PTPN9: variants seen among roughly 807,000 people sequenced by gnomAD.
PTPN9 encodes the protein protein tyrosine phosphatase non-receptor type 9.
In PTPN9, 26 loss-of-function variants were observed where a neutral mutation model predicts 69.8. The ratio of observed to expected loss-of-function variants is 0.37; its 90% confidence interval spans 0.27 to 0.52. PTPN9 has a LOEUF of 0.52. Among genes scored for constraint, PTPN9 ranks in the 20% least tolerant of loss-of-function variants. The probability of loss-of-function intolerance (pLI) is 0.91; values close to 1 mark genes in which losing one functional copy is unlikely to be tolerated. For synonymous variants in PTPN9, 274 were observed against 272.5 expected, an observed-to-expected ratio of 1.01 and a Z score of -0.05; for missense variants, 549 against 740.3, an observed-to-expected ratio of 0.74 and a Z score of 3.00.
At chr15:75,492,009 G>C (rs1156594691) in intron 7 of PTPN9, among the ~76,000 whole-genome samples, 1 of 152,024 alleles carries the variant, frequency 6.6e-6, no homozygotes, top group Non-Finnish European at 1.5e-5. Context: ...CCTGGGCTCA[G>C]TCCCAGATGC....
At chr15:75,504,660 C>T (rs1207716139) in intron 7 of PTPN9, among the ~76,000 whole-genome samples, 18 of 139,730 alleles carry the variant, frequency 1.3e-4, no homozygotes, top group Non-Finnish European at 2.2e-4. Flanking sequence ...GCCCCCCGCC[C>T]GGCCAGCCGC....
intron 7 of PTPN9, among the ~76,000 whole-genome samples, chr15:75,501,070 A>T (rs529449261): frequency 5.6e-4 from 85 of 151,994 alleles, no homozygotes; most frequent in Non-Finnish European, 1.1e-3. Flanking sequence ...TGCATTCTTG[A>T]TCTGATTGAC....
chr15:75,546,254 A>C (rs2075032265), intron 1 of PTPN9, among the ~76,000 whole-genome samples: 2 of 152,194 alleles, frequency 1.3e-5, no homozygotes, highest in African/African-American at 4.8e-5. Flanking sequence ...TGATACAGCT[A>C]CTGGGAGACC....
At chr15:75,512,953 G>T in intron 5 of PTPN9, 1 of 394,670 alleles carries the variant, frequency 2.5e-6, no homozygotes, top group Non-Finnish European at 4.9e-6. Flanking sequence ...ATACCAGTTA[G>T]CCTTTGTAAT....
At chr15:75,505,620 A>G in intron 7 of PTPN9, 55 bp downstream of exon 7, 1 of 1,396,582 alleles carries the variant, frequency 7.2e-7, no homozygotes, top group Non-Finnish European at 1.0e-6. Context: ...CTGTTGCCAG[A>G]GCCTACCAGA....
intron 1 of PTPN9, among the ~76,000 whole-genome samples, chr15:75,572,290 C>T (rs1211712071): frequency 6.6e-6 from 1 of 151,910 alleles, no homozygotes; most frequent in Non-Finnish European, 1.5e-5. Context: ...TGAGATCGTG[C>T]CACTGCCCAC....
Position 75,481,886 on chromosome 15 carries a change from G to A in PTPN9, c.1063-1972C>T, listed in dbSNP as rs1289587235. On this transcript the variant is annotated intron_variant, in intron 8 of 12. Coordinates refer to ENST00000618819, the MANE Select transcript of PTPN9 (RefSeq NM_002833.4). ...CCGCCCCTCCGGGAGGTGAGGGGGCGCCTCTGCCCGGCCGCCCCTACTGGG... is the reference window on the plus strand; with the variant it reads ...CCGCCCCTCCGGGAGGTGAGGGGGCACCTCTGCCCGGCCGCCCCTACTGGG... 4.4e-4 allele frequency among the ~76,000 whole-genome samples: 65 copies of A among 146,404 alleles called. 3 individuals carry two copies. The highest frequency in any genetic ancestry group is 3.1e-3 in the Admixed American group (45 of 14,658).
At chr15:75,566,990 T>C (rs2075129143) in intron 1 of PTPN9, among the ~76,000 whole-genome samples, 3 of 151,644 alleles carry the variant, frequency 2.0e-5, no homozygotes, top group Admixed American at 1.3e-4. Flanking sequence ...ATGATCATTG[T>C]AGATCATCTA....
At chr15:75,511,162 C>T (rs1291506006) in intron 5 of PTPN9, among the ~76,000 whole-genome samples, 1 of 152,096 alleles carries the variant, frequency 6.6e-6, no homozygotes, top group Non-Finnish European at 1.5e-5. Context: ...TGGTTGTTTC[C>T]ACTTGTCCAG....
chr15:75,557,151 G>A (rs751554353), intron 1 of PTPN9, among the ~76,000 whole-genome samples: 6 of 152,142 alleles, frequency 3.9e-5, no homozygotes, highest in Non-Finnish European at 7.4e-5. Flanking sequence ...CTGATCAGAC[G>A]CAGTGGCTAA....
At chr15:75,507,461 AAAAAG>A (rs1567491858) in intron 6 of PTPN9, among the ~76,000 whole-genome samples, 1 of 149,256 alleles carries the variant, frequency 6.7e-6, no homozygotes, top group African/African-American at 2.5e-5. Context: ...AAAAAAAAAA[AAAAAG>A]AAAGAAAAGA....
At chr15:75,518,695 T>G (rs926993152) in intron 4 of PTPN9, among the ~76,000 whole-genome samples, 21 of 151,754 alleles carry the variant, frequency 1.4e-4, no homozygotes, top group Non-Finnish European at 1.2e-4. Flanking sequence ...CACATGCCTG[T>G]AATCCCAACT....
chr15:75,504,371 G>A (rs1306033066), intron 7 of PTPN9, among the ~76,000 whole-genome samples: 14 of 122,174 alleles, frequency 1.1e-4, no homozygotes, highest in East Asian at 2.7e-4. Context: ...CACCCCGTCC[G>A]GGAGGGAGGT....
chr15:75,534,999 G>A (rs1281417725), intron 1 of PTPN9, among the ~76,000 whole-genome samples: 2 of 151,406 alleles, frequency 1.3e-5, no homozygotes, highest in Non-Finnish European at 2.9e-5. Context: ...AACTGAAAAC[G>A]ATTTTTTTTT....
intron 6 of PTPN9, among the ~76,000 whole-genome samples, chr15:75,507,495 G>A (rs575888091): frequency 3.3e-5 from 5 of 151,792 alleles, no homozygotes; most frequent in African/African-American, 7.2e-5. Context: ...GGCTGGGCAC[G>A]GTGGCTTATG....
In PTPN9 at chr15:75,463,564, A is replaced by G. The variant is rs2074525211; in HGVS notation, c.*5205T>C. 1 of 152,202 alleles carries G rather than the reference A, an allele frequency of 6.6e-6. No homozygotes were observed. Among genetic ancestry groups the G allele is most frequent in the African/African-American group, 2.4e-5 (1 of 41,440 alleles). 9.4% of individuals were successfully genotyped at this position (152,202 alleles called of 1,614,324 possible). The stretch of plus-strand genomic sequence containing the variant: ...TTAGCCTGAAAAATATGGGCATTTA[A>G]GACTTCAGCAGGCCACATTTAGCTC... On this transcript the variant is annotated 3_prime_UTR_variant, in exon 13 of 13. Transcript: ENST00000618819.
rs961933446 is a variant in PTPN9, at chr15:75,578,851, C to T, written c.-75G>A. On this transcript the variant is annotated 5_prime_UTR_variant, in exon 1 of 13. Transcript: ENST00000618819. Reference sequence around the variant, plus strand: ...GCCCGGCGCGCTCGGCCTCCGCTTCCGCGTCCCCGCGCCTCAGCAGCCCGG... The same window carrying T: ...GCCCGGCGCGCTCGGCCTCCGCTTCTGCGTCCCCGCGCCTCAGCAGCCCGG... 2.9e-6 allele frequency: 3 copies of T among 1,025,886 alleles called. No individual in the cohort carries two copies. Among genetic ancestry groups the T allele is most frequent in the African/African-American group, 3.4e-5 (2 of 59,296 alleles). 63.5% of individuals were successfully genotyped at this position (1,025,886 alleles called of 1,614,324 possible).
At position 75,468,775 on chromosome 15, in the gene PTPN9, A is replaced by C. The variant is rs1213408029; in HGVS notation, c.1776T>G (p.Ser592Arg). Residue 592 changes from serine to arginine, a missense_variant, in exon 13 of 13, where the codon AGT (serine) becomes AGG (arginine). Ser to Arg is a moderately radical substitution (Grantham distance 110, BLOSUM62 -1). This residue lies in a region of PTPN9 where 30 missense variants were observed against 24.8 expected (regional missense o/e 1.21). Transcript: ENST00000618819. ...SSGQNLLAVE[S>R]Q ...TAGGAGGTTCGTAGGAGAGTTACTG[A>C]CTCTCCACGGCCAGCAGGTTTTGGC... 6.2e-7 allele frequency: 1 copy of C among 1,613,450 alleles called. No individual in the cohort carries two copies. Among genetic ancestry groups the C allele is most frequent in the South Asian group, 1.1e-5 (1 of 91,046 alleles).
intron 1 of PTPN9, among the ~76,000 whole-genome samples, chr15:75,572,326 G>A (rs987202317): frequency 6.6e-6 from 1 of 152,016 alleles, no homozygotes; most frequent in Non-Finnish European, 1.5e-5. Flanking sequence ...GCAAGACTCC[G>A]TCTCAAAACA....
Sources: gnomAD v4.1 joint callset for allele counts (sites outside exome capture counted in the v4.1 genomes callset) on GRCh38, gnomAD v4.1.1 for gene constraint, gnomAD v4.1.1 regional missense constraint, MANE v1.5 for transcripts, NCBI Gene and HGNC (gene_info 2026-07-23, HGNC 2026-07-21) for gene names.